The following KCNMB2 variants were observed in gnomAD, a reference collection of about 807,000 sequenced individuals.
The protein encoded by KCNMB2 is calcium-activated potassium channel subunit beta-2.
A neutral mutation model predicts 24.5 loss-of-function variants in KCNMB2; 9 were observed. That is an observed-to-expected ratio of 0.37 (90% CI 0.22 to 0.64). The LOEUF is 0.64. KCNMB2 is among the 30% of genes least tolerant of loss of function. The pLI is 0.63. For synonymous variants in KCNMB2, 109 were observed against 104.4 expected (o/e 1.04, Z -0.27); for missense variants, 226 against 284.3 (o/e 0.79, Z 1.47).
At chr3:178,763,584 C>A (rs1387143538) in intron 1 of KCNMB2, among the ~76,000 whole-genome samples, 1 of 152,052 alleles carries the variant, frequency 6.6e-6, no homozygotes, top group Non-Finnish European at 1.5e-5. Context: ...TGCTGTTGAC[C>A]AGGAGTAGGA....
intron 1 of KCNMB2, among the ~76,000 whole-genome samples, chr3:178,610,186 G>A (rs905392837): frequency 6.6e-6 from 1 of 152,132 alleles, no homozygotes; most frequent in Non-Finnish European, 1.5e-5. Context: ...TAGCTCTGTA[G>A]TATACTTTGA....
chr3:178,709,164 CGTT>C (rs1362048305), intron 1 of KCNMB2, among the ~76,000 whole-genome samples: 2 of 152,086 alleles, frequency 1.3e-5, no homozygotes, highest in Non-Finnish European at 2.9e-5. Flanking sequence ...CAAATGAAAA[CGTT>C]GTCTCCACTT....
intron 1 of KCNMB2, among the ~76,000 whole-genome samples, chr3:178,563,523 T>C (rs1217585601): frequency 2.6e-5 from 4 of 152,232 alleles, no homozygotes; most frequent in Non-Finnish European, 5.9e-5. Flanking sequence ...CTCAATTTCA[T>C]GTGCAACAGA....
At chr3:178,685,545 A>C (rs1186263485) in intron 1 of KCNMB2, among the ~76,000 whole-genome samples, 5 of 152,234 alleles carry the variant, frequency 3.3e-5, no homozygotes, top group Non-Finnish European at 7.3e-5. Flanking sequence ...TCCATCAGCC[A>C]CATCAACAGT....
rs764580123 is a variant in KCNMB2 at position 178,793,514 on chromosome 3, T to TGGGG, written c.-67-13825_-67-13822dup. Reference sequence around the variant, plus strand: ...ACCAAGCGGAAGCTGCTCTTCACCCTGGGGGGGTGGGCAATGGACAGCAGA... The same window carrying TGGGG: ...ACCAAGCGGAAGCTGCTCTTCACCCTGGGGGGGGGGGTGGGCAATGGACAGCAGA... On this transcript the variant is annotated intron_variant, in intron 1 of 4. Transcript: ENST00000452583. Among the ~76,000 whole-genome samples, 463 of 145,274 alleles carry TGGGG rather than the reference T, an allele frequency of 3.2e-3. 7 individuals carry two copies. Among genetic ancestry groups the TGGGG allele is most frequent in the East Asian group, 0.014 (66 of 4,788 alleles).
At chr3:178,646,445 A>C (rs1168012162) in intron 1 of KCNMB2, among the ~76,000 whole-genome samples, 1 of 152,234 alleles carries the variant, frequency 6.6e-6, no homozygotes, top group East Asian at 1.9e-4. Flanking sequence ...TGCCAGCCAG[A>C]AAAGAACAGA....
chr3:178,644,364 A>G (rs928189682), intron 1 of KCNMB2, among the ~76,000 whole-genome samples: 9 of 152,212 alleles, frequency 5.9e-5, no homozygotes, highest in African/African-American at 1.9e-4. Context: ...GAAGATGTGA[A>G]TTGGACCACA....
intron 1 of KCNMB2, among the ~76,000 whole-genome samples, chr3:178,612,608 A>G (rs1210826069): frequency 6.6e-6 from 1 of 151,270 alleles, no homozygotes; most frequent in Non-Finnish European, 1.5e-5. Context: ...CCAACCTTTT[A>G]TTTTCAGTCT....
chr3:178,759,647 A>T (rs567325641), intron 1 of KCNMB2, among the ~76,000 whole-genome samples: 1 of 111,914 alleles, frequency 8.9e-6, no homozygotes, highest in African/African-American at 3.4e-5. Flanking sequence ...ATATATATAT[A>T]TATATCTCCA....
intron 1 of KCNMB2, among the ~76,000 whole-genome samples, chr3:178,609,217 T>C (rs1224798958): frequency 6.6e-6 from 1 of 152,212 alleles, no homozygotes; most frequent in Non-Finnish European, 1.5e-5. Context: ...CATTATAGTT[T>C]TGCATTTCTC....
rs1211658615 is a variant in KCNMB2 at position 178,564,014 on chromosome 3, C to CAT, written c.-68+27303_-68+27304insAT. Among the ~76,000 whole-genome samples, 594 of 152,228 alleles carry CAT rather than the reference C, an allele frequency of 3.9e-3. 3 individuals carry two copies. Among genetic ancestry groups the CAT allele is most frequent in the African/African-American group, 0.014 (571 of 41,526 alleles). On this transcript the variant is annotated intron_variant, in intron 1 of 4. Transcript: ENST00000452583. ...TTGAGATTCTGGCCAGGTGTGGTGGCTCATGCTTGTAATCCCAGCACTTTG... is the reference window on the plus strand; with the variant it reads ...TTGAGATTCTGGCCAGGTGTGGTGGCATTCATGCTTGTAATCCCAGCACTTTG...
chr3:178,806,023 G>A (rs112395092), intron 1 of KCNMB2, among the ~76,000 whole-genome samples: 2,257 of 152,262 alleles, frequency 0.015, 35 homozygotes, highest in Middle Eastern at 0.037. Flanking sequence ...CAACTACTGG[G>A]GAAGCTGAGG....
At chr3:178,701,129 T>C (rs1722077397) in intron 1 of KCNMB2, among the ~76,000 whole-genome samples, 1 of 152,220 alleles carries the variant, frequency 6.6e-6, no homozygotes, top group South Asian at 2.1e-4. Flanking sequence ...GAATTAATTG[T>C]TGTATAAGGT....
intron 1 of KCNMB2, among the ~76,000 whole-genome samples, chr3:178,667,596 A>G (rs1438704586): frequency 6.6e-6 from 1 of 152,128 alleles, no homozygotes; most frequent in Non-Finnish European, 1.5e-5. Flanking sequence ...CTAAGACACC[A>G]TATGAGGACA....
intron 1 of KCNMB2, among the ~76,000 whole-genome samples, chr3:178,614,247 T>TTATATA (rs776751246): frequency 0.017 from 886 of 53,118 alleles, 10 homozygotes; most frequent in Non-Finnish European, 0.022. Context: ...TGGGCTAATT[T>TTATATA]TATATATATA....
intron 1 of KCNMB2, among the ~76,000 whole-genome samples, chr3:178,704,151 G>A (rs1722199730): frequency 6.6e-6 from 1 of 151,978 alleles, no homozygotes; most frequent in African/African-American, 2.4e-5. Flanking sequence ...AAACAACCAG[G>A]TTTCAAGTGT....
At chr3:178,714,373 T>C (rs1356515404) in intron 1 of KCNMB2, among the ~76,000 whole-genome samples, 2 of 152,116 alleles carry the variant, frequency 1.3e-5, no homozygotes, top group Non-Finnish European at 1.5e-5. Flanking sequence ...CCTGGACTCA[T>C]GAGGAGGGAC....
intron 1 of KCNMB2, among the ~76,000 whole-genome samples, chr3:178,777,754 A>C (rs1330473105): frequency 6.6e-6 from 1 of 152,214 alleles, no homozygotes; most frequent in Admixed American, 6.5e-5. Flanking sequence ...GTCTCAGATG[A>C]CAAAGGGCTT....
chr3:178,696,596 T>C (rs1383090506), intron 1 of KCNMB2, among the ~76,000 whole-genome samples: 2 of 152,228 alleles, frequency 1.3e-5, no homozygotes, highest in Non-Finnish European at 2.9e-5. Context: ...TTCTCAATCT[T>C]ATTCAGTTCA....
Sources: gnomAD v4.1 joint callset for allele counts (sites outside exome capture counted in the v4.1 genomes callset) on GRCh38, gnomAD v4.1.1 for gene constraint, MANE v1.5 for transcripts, NCBI Gene and HGNC (gene_info 2026-07-23, HGNC 2026-07-21) for gene names.